The following MCM3AP variants were observed in gnomAD, a reference collection of about 807,000 sequenced individuals.
The protein encoded by MCM3AP is germinal-center associated nuclear protein.
MCM3AP carries 126 observed loss-of-function variants against 184.1 expected under a neutral mutation model. The ratio of observed to expected loss-of-function variants is 0.68; its 90% CI spans 0.59 to 0.79. The LOEUF (loss-of-function observed/expected upper bound fraction) is 0.79. MCM3AP is among the 30% of genes least tolerant of loss of function. The pLI is 0.00. For missense variants in MCM3AP, 2,496 were observed against 2,479.2 expected, an observed-to-expected ratio of 1.01 and a Z score of -0.14; for synonymous variants, 1,002 against 979.3, an observed-to-expected ratio of 1.02 and a Z score of -0.43.
chr21:46,254,332 A>C, intron 19 of MCM3AP, 60 bp downstream of exon 19: 1 of 1,604,760 alleles, frequency 6.2e-7, no homozygotes, highest in Non-Finnish European at 8.5e-7. Flanking sequence ...GCCCTGGCCC[A>C]CAACCCTGCC....
rs751395348 is a variant in MCM3AP at position 46,285,144 on chromosome 21, T to A, written c.143A>T (p.Lys48Met). Residue 48 changes from lysine (K) to methionine (M), a missense_variant, in exon 1 of 28, where the codon AAG becomes ATG. By Grantham distance (95) the Lys-to-Met change is moderately conservative (BLOSUM62 -1). Coordinates refer to ENST00000291688, the MANE Select transcript of MCM3AP (RefSeq NM_003906.5). Reference sequence around the variant, plus strand: ...GGATACCTGTGAAAATCCCGAGCTCTTCCCAGATAAGGTACTGTTTTGTCC... The same window carrying A: ...GGATACCTGTGAAAATCCCGAGCTCATCCCAGATAAGGTACTGTTTTGTCC... The part of the protein sequence containing the change: ...LFGQNSTLSG[K>M]SSGFSQVSSF... The A allele has an allele frequency of 6.2e-7, 1 of 1,604,208 alleles. No homozygotes were observed. Among genetic ancestry groups the A allele is most frequent in the South Asian group, 1.1e-5 (1 of 90,894 alleles).
chr21:46,271,628 G>A (rs1400353823), intron 8 of MCM3AP, among the ~76,000 whole-genome samples: 1 of 152,076 alleles, frequency 6.6e-6, no homozygotes, highest in Non-Finnish European at 1.5e-5. Context: ...GGAGGCCGAG[G>A]CAGGTGGATC....
At position 46,238,701 on chromosome 21, in the gene MCM3AP, C is replaced by CT. The variant is rs1183687426; in HGVS notation, c.5634-1723dup. Among the ~76,000 whole-genome samples, 8 of 53,158 alleles carry CT rather than the reference C, an allele frequency of 1.5e-4. 3 individuals carry two copies. Among genetic ancestry groups the CT allele is most frequent in the African/African-American group, 5.3e-4 (6 of 11,344 alleles). 34.9% of individuals were successfully genotyped at this position (53,158 alleles called of 152,430 possible). On this transcript the variant is annotated intron_variant, in intron 26 of 27. Transcript: ENST00000291688. ...CTAGCCTGGGCAACAGAGCGAGACT[C>CT]TATCTAATAAAAAGGAAAAAAAAAT...
intron 9 of MCM3AP, among the ~76,000 whole-genome samples, chr21:46,268,973 A>G (rs549353330): frequency 3.3e-5 from 5 of 152,186 alleles, no homozygotes; most frequent in Admixed American, 2.0e-4. Context: ...AGGAGGCAGA[A>G]GTTGCGGTGA....
In MCM3AP at chr21:46,285,526, G is replaced by A; in HGVS notation, c.-240C>T. 2 of 504,358 alleles carry A rather than the reference G, an allele frequency of 4.0e-6. No homozygotes were observed. The highest frequency in any genetic ancestry group is 3.3e-5 in the East Asian group (1 of 30,132). The allele number at this position is 504,358 out of a possible 1,614,324, so 31.2% of individuals were successfully genotyped here. The stretch of plus-strand genomic sequence containing the variant: ...AAAGGGTTATTATTTTCTGAGAGCC[G>A]ATAGGTTATTTTGTTGGAGGGTGGG... On this transcript the variant is annotated 5_prime_UTR_variant, in exon 1 of 28. Coordinates refer to ENST00000291688, the MANE Select transcript of MCM3AP (RefSeq NM_003906.5).
chr21:46,237,365 A>C (rs1243601440), intron 26 of MCM3AP, among the ~76,000 whole-genome samples: 1 of 151,930 alleles, frequency 6.6e-6, no homozygotes, highest in Non-Finnish European at 1.5e-5. Flanking sequence ...GGCCTCCCAA[A>C]GTGCTGGGAT....
intron 16 of MCM3AP, among the ~76,000 whole-genome samples, chr21:46,258,303 T>C (rs1351401531): frequency 1.3e-5 from 2 of 152,230 alleles, no homozygotes; most frequent in African/African-American, 4.8e-5. Context: ...AAATGAATCA[T>C]ACAACATACG....
chr21:46,278,695 A>C (rs1305793425), intron 4 of MCM3AP, among the ~76,000 whole-genome samples: 1 of 150,230 alleles, frequency 6.7e-6, no homozygotes, highest in Non-Finnish European at 1.5e-5. Context: ...TTTTTTTGAG[A>C]TGGGGTCTCG....
chr21:46,277,386 A>G lies in MCM3AP; in HGVS notation c.1858+141T>C, dbSNP rs1459243027. ...CTCACTCCAAGAAGACAGGCAGACT[A>G]TGAAGATCAGACACAGCATATCACA... On this transcript the variant is annotated intron_variant, in intron 5 of 27. Coordinates refer to ENST00000291688, the MANE Select transcript of MCM3AP (RefSeq NM_003906.5). 1.8e-5 allele frequency: 10 copies of G among 554,308 alleles called. No individual in the cohort carries two copies. The South Asian group carries it at 2.8e-4, about 16-fold the overall frequency. The allele number at this position is 554,308 out of a possible 1,614,324, so 34.3% of individuals were successfully genotyped here.
chr21:46,239,342 G>T (rs1414733566), intron 26 of MCM3AP, among the ~76,000 whole-genome samples: 1 of 152,242 alleles, frequency 6.6e-6, no homozygotes, highest in Non-Finnish European at 1.5e-5. Context: ...CTAAACTGCA[G>T]CCTACTGTAA....
At chr21:46,280,266 A>AAT in intron 3 of MCM3AP, 129 bp from the exon 4 acceptor site, 1 of 1,089,810 alleles carries the variant, frequency 9.2e-7, no homozygotes, top group South Asian at 1.3e-5. Context: ...AGCCCAAGGA[A>AAT]ATAACTGTGA....
chr21:46,267,179 A>T, intron 9 of MCM3AP, 37 bp from the exon 10 acceptor site: 5 of 1,595,172 alleles, frequency 3.1e-6, no homozygotes, highest in Non-Finnish European at 3.4e-6. Flanking sequence ...GTCTCAGACG[A>T]AGGCCCAGTC....
intron 22 of MCM3AP, among the ~76,000 whole-genome samples, chr21:46,245,932 A>C (rs1420078266): frequency 6.6e-6 from 1 of 152,266 alleles, no homozygotes; most frequent in African/African-American, 2.4e-5. Context: ...AAATTCATAG[A>C]AACAAAAACA....
chr21:46,236,841 A>T lies in MCM3AP; in HGVS notation c.5772T>A (p.Thr1924=). ...ACGTTCTTCTCACCTGTGGGCTAGT[A>T]GTTACAGATGTTTTCATCACAGGTT... ...TIEPVMKTSV[T]TSPQSDMMRE... is the part of the protein sequence containing the mutation. Residue 1924 remains threonine (T), a synonymous_variant, in exon 27 of 28, where the codon ACT becomes ACA. Transcript: ENST00000291688. The T allele has an allele frequency of 1.3e-6, 2 of 1,555,256 alleles. No homozygotes were observed. The highest frequency in any genetic ancestry group is 1.7e-6 in the Non-Finnish European group (2 of 1,158,194).
Position 46,244,825 on chromosome 21 carries a change from C to T in MCM3AP, c.5020G>A (p.Asp1674Asn). Residue 1674 changes from aspartate to asparagine, a missense_variant, in exon 23 of 28, where the codon GAC becomes AAC. Asp to Asn is a conservative substitution (Grantham distance 23). This residue lies in a region of MCM3AP where 1,323 missense variants were observed against 1,273.4 expected (regional missense o/e 1.04). Coordinates refer to ENST00000291688, the MANE Select transcript of MCM3AP (RefSeq NM_003906.5). ...AVLGFQLPQM[D>N]LPPLGAPWLP... ...CACGTACCCCCCAGGGGTGGAAGGT[C>T]CATCTGCGGAAGCTGGAACCCGAGC... The T allele has an allele frequency of 6.2e-7, 1 of 1,613,400 alleles. No homozygotes were observed. The highest frequency in any genetic ancestry group is 1.3e-5 in the African/African-American group (1 of 75,054).
chr21:46,286,244 C>G (rs111369409), upstream of MCM3AP: 1 of 152,410 alleles, frequency 6.6e-6, no homozygotes, highest in Non-Finnish European at 1.5e-5. Context: ...ACACTCAGCG[C>G]TGCGCACCGC....
In MCM3AP at chr21:46,246,849, G is replaced by C; in HGVS notation, c.4328C>G (p.Ala1443Gly). 1 of 1,614,140 alleles carries C rather than the reference G, an allele frequency of 6.2e-7. No homozygotes were observed. Residue 1443 changes from alanine (A) to glycine (G), a missense_variant, in exon 21 of 28, where the codon GCT becomes GGT. Ala to Gly is a moderately conservative substitution (Grantham distance 60, BLOSUM62 0). Around this residue, in one of 5 missense-constraint regions of MCM3AP, gnomAD observed 1,323 missense variants for 1,273.4 expected, o/e 1.04. Transcript: ENST00000291688. ...CAGGAGGTCCTTCTGTGTCTCCACAGCATCAATGGCACCATCACTGAGGGC... is the reference window on the plus strand; with the variant it reads ...CAGGAGGTCCTTCTGTGTCTCCACACCATCAATGGCACCATCACTGAGGGC... ...HGALSDGAID[A>G]VETQKDLLGA...
chr21:46,273,195 A>G (rs796216662), intron 7 of MCM3AP, among the ~76,000 whole-genome samples, 193 bp downstream of exon 7: 15 of 152,276 alleles, frequency 9.9e-5, no homozygotes, highest in African/African-American at 3.4e-4. Context: ...GGCTGGTCTC[A>G]AACTCCTGAC....
chr21:46,284,699 T>C lies in MCM3AP; in HGVS notation c.588A>G (p.Gln196=), dbSNP rs1329966547. The C allele has an allele frequency of 1.1e-5, 17 of 1,614,020 alleles. No homozygotes were observed. Among genetic ancestry groups the C allele is most frequent in the African/African-American group, 2.7e-5 (2 of 74,896 alleles). Residue 196 remains glutamine (Q), a synonymous_variant, in exon 1 of 28, where the codon CAA becomes CAG. Transcript: ENST00000291688. The stretch of plus-strand genomic sequence containing the variant: ...AAGTGGTAGCTGAACTACTTGTTAC[T>C]TGAGGAAAAGAGAAAGGGGCCAGGC... ...PGGLAPFSFP[Q]VTSSSATTSN... is the part of the protein sequence containing the mutation.
Sources: gnomAD v4.1 joint callset for allele counts (sites outside exome capture counted in the v4.1 genomes callset) on GRCh38, gnomAD v4.1.1 for gene constraint, gnomAD v4.1.1 regional missense constraint, MANE v1.5 for transcripts, NCBI Gene and HGNC (gene_info 2026-07-23, HGNC 2026-07-21) for gene names.